Variants in DNAJB6 observed in about 807,000 individuals in gnomAD.
DNAJB6 encodes DnaJ heat shock protein family (Hsp40) member B6.
Under a neutral mutation model 42.7 loss-of-function variants are expected in DNAJB6, and 16 were observed. The ratio of observed to expected loss-of-function variants is 0.37; its 90% CI spans 0.25 to 0.57. DNAJB6 has a LOEUF of 0.57. Among genes scored for constraint, DNAJB6 ranks in the 20% least tolerant of loss-of-function variants. The probability of loss-of-function intolerance (pLI) is 0.74; values close to 1 mark genes in which losing one functional copy is unlikely to be tolerated. For synonymous variants in DNAJB6, 170 were observed against 163.5 expected (o/e 1.04, Z -0.30); for missense variants, 347 against 416.8 (o/e 0.83, Z 1.46).
chr7:157,357,006 AAG>A (rs956601618), intron 1 of DNAJB6, among the ~76,000 whole-genome samples: 9 of 150,556 alleles, frequency 6.0e-5, no homozygotes, highest in South Asian at 2.1e-4. Context: ...CCATAAAAAC[AAG>A]AGTTTTAGGT....
chr7:157,346,316 T>TATAAAAAAA (rs1798683153), intron 1 of DNAJB6, among the ~76,000 whole-genome samples: 1 of 117,732 alleles, frequency 8.5e-6, no homozygotes, highest in East Asian at 2.5e-4. Context: ...CAAGGAGTAG[T>TATAAAAAAA]AAAAAAAAAA....
At chr7:157,353,216 C>T (rs1799088516) in intron 1 of DNAJB6, among the ~76,000 whole-genome samples, 2 of 150,650 alleles carry the variant, frequency 1.3e-5, no homozygotes, top group Non-Finnish European at 2.9e-5. Flanking sequence ...GTGTGAGCTG[C>T]CGCACCCGGT....
At chr7:157,397,732 G>A (rs1346619319) in intron 8 of DNAJB6, among the ~76,000 whole-genome samples, 5 of 152,164 alleles carry the variant, frequency 3.3e-5, no homozygotes. Context: ...TTCATAAGTA[G>A]CCATGAAGAG....
At chr7:157,346,565 G>T (rs1403297966) in intron 1 of DNAJB6, among the ~76,000 whole-genome samples, 1 of 151,818 alleles carries the variant, frequency 6.6e-6, no homozygotes, top group Non-Finnish European at 1.5e-5. Flanking sequence ...TTTTTGAGAG[G>T]TCTGAGGAAA....
intron 8 of DNAJB6, among the ~76,000 whole-genome samples, chr7:157,403,821 G>A (rs1426515744): frequency 6.6e-6 from 1 of 152,222 alleles, no homozygotes; most frequent in Non-Finnish European, 1.5e-5. Flanking sequence ...AGGGGGAAGC[G>A]CAGCCCACCC....
intron 8 of DNAJB6, among the ~76,000 whole-genome samples, chr7:157,387,934 C>G (rs999253778): frequency 6.6e-6 from 1 of 152,048 alleles, no homozygotes; most frequent in Non-Finnish European, 1.5e-5. Context: ...TAACCTCTGC[C>G]TCCCGGGTTC....
chr7:157,377,623 G>A (rs1800538472), intron 5 of DNAJB6, among the ~76,000 whole-genome samples: 1 of 152,138 alleles, frequency 6.6e-6, no homozygotes, highest in Non-Finnish European at 1.5e-5. Flanking sequence ...GTGTGGGGTG[G>A]GGATCACAGG....
At chr7:157,366,351 CTTTGT>C in intron 3 of DNAJB6, 146 bp from the exon 4 acceptor site, 1 of 661,820 alleles carries the variant, frequency 1.5e-6, no homozygotes. Flanking sequence ...TTCCCTGTTG[CTTTGT>C]TTTGTTTTAA....
At chr7:157,397,794 A>G (rs534051352) in intron 8 of DNAJB6, among the ~76,000 whole-genome samples, 10 of 152,244 alleles carry the variant, frequency 6.6e-5, no homozygotes, top group South Asian at 2.1e-4. Flanking sequence ...ATCCTTCTCA[A>G]TTCAGCTTCT....
chr7:157,405,011 C>T (rs1051020099), intron 8 of DNAJB6, among the ~76,000 whole-genome samples: 5 of 152,152 alleles, frequency 3.3e-5, no homozygotes, highest in East Asian at 1.9e-4. Flanking sequence ...GGCCCTTCCC[C>T]GCATGAAAGG....
At chr7:157,340,997 T>TGTGTGTGTGC (rs902019051) in intron 1 of DNAJB6, among the ~76,000 whole-genome samples, 22 of 118,298 alleles carry the variant, frequency 1.9e-4, no homozygotes, top group African/African-American at 2.8e-4. Context: ...TGTGTGTGTG[T>TGTGTGTGTGC]GCGCGCGCGC....
intron 8 of DNAJB6, among the ~76,000 whole-genome samples, chr7:157,400,932 T>C (rs914212945): frequency 2.0e-5 from 3 of 152,168 alleles, no homozygotes; most frequent in Non-Finnish European, 4.4e-5. Context: ...GGACTCTGGA[T>C]TTCTAGGAAG....
rs369221072 is a variant in DNAJB6 at position 157,416,141 on chromosome 7, C to T, written c.*43C>T. On this transcript the variant is annotated 3_prime_UTR_variant, in exon 10 of 10. Coordinates refer to ENST00000262177, the MANE Select transcript of DNAJB6 (RefSeq NM_058246.4). The stretch of plus-strand genomic sequence containing the variant: ...CGGTGCACCCCCAGACGCTGGCGCT[C>T]CACCGTGCTCGGCATGCGGTCGTGC... 31 of 1,596,306 alleles carry T rather than the reference C, an allele frequency of 1.9e-5. No individual in the cohort carries two copies. The African/African-American group carries it at 3.8e-4, about 19-fold the overall frequency.
chr7:157,352,301 C>G (rs543726770), intron 1 of DNAJB6, among the ~76,000 whole-genome samples: 1 of 151,668 alleles, frequency 6.6e-6, no homozygotes, highest in African/African-American at 2.4e-5. Flanking sequence ...TCTACTCTGG[C>G]GACAGAGCAA....
In DNAJB6 at chr7:157,338,624, G is replaced by T. The variant is rs559343847; in HGVS notation, c.-27+1480G>T. 2.6e-5 allele frequency among the ~76,000 whole-genome samples: 4 copies of T among 152,342 alleles called. No individual in the cohort carries two copies. The South Asian group carries it at 8.3e-4, about 32-fold the overall frequency. On this transcript the variant is annotated intron_variant, in intron 1 of 9. Coordinates refer to ENST00000262177, the MANE Select transcript of DNAJB6 (RefSeq NM_058246.4). Reference sequence around the variant, plus strand: ...GTTGGGATTAGAGGCGCGAGCCACCGCGCCTCGCCGACTCCAGACTTGTTT... The same window carrying T: ...GTTGGGATTAGAGGCGCGAGCCACCTCGCCTCGCCGACTCCAGACTTGTTT...
intron 5 of DNAJB6, chr7:157,369,398 C>A (rs777166468): frequency 4.4e-6 from 2 of 456,662 alleles, no homozygotes; most frequent in Non-Finnish European, 8.8e-6. Flanking sequence ...GTGTTCTGAT[C>A]GGTGATTCTC....
chr7:157,381,139 A>C (rs1800744935), intron 5 of DNAJB6: 1 of 151,870 alleles, frequency 6.6e-6, no homozygotes, highest in Non-Finnish European at 1.5e-5. Context: ...TTGCTTCATG[A>C]ATCTCGATTT....
intron 1 of DNAJB6, among the ~76,000 whole-genome samples, chr7:157,338,242 C>G (rs933673822): frequency 6.6e-6 from 1 of 152,104 alleles, no homozygotes; most frequent in Admixed American, 6.6e-5. Flanking sequence ...CGTATCAGAA[C>G]GATTCATGAT....
chr7:157,384,472 C>G (rs1287065776), intron 6 of DNAJB6, among the ~76,000 whole-genome samples: 1 of 152,190 alleles, frequency 6.6e-6, no homozygotes, highest in East Asian at 1.9e-4. Context: ...CGAGGCTGCT[C>G]TGCTGGTTGG....
Sources: gnomAD v4.1 joint callset for allele counts (sites outside exome capture counted in the v4.1 genomes callset) on GRCh38, gnomAD v4.1.1 for gene constraint, MANE v1.5 for transcripts, NCBI Gene and HGNC (gene_info 2026-07-23, HGNC 2026-07-21) for gene names.